NMBR: variants seen among roughly 807,000 people sequenced by gnomAD.
NMBR encodes the protein neuromedin B receptor, also known as neuromedin-B receptor.
A neutral mutation model predicts 20.5 loss-of-function variants in NMBR; 16 were observed. The ratio of observed to expected loss-of-function variants is 0.78; its 90% CI spans 0.53 to 1.19. The LOEUF is 1.19. Ranked by LOEUF, NMBR falls within the 50% of genes most tolerant of loss-of-function variation. The pLI, the probability that NMBR is intolerant of heterozygous loss-of-function variation, is 0.00. For synonymous variants in NMBR, 212 were observed against 196.6 expected (o/e 1.08, Z -0.65); for missense variants, 582 against 499.1 (o/e 1.17, Z -1.58).
At chr6:142,109,920 A>T (rs1777730802) in intron 1 of NMBR, among the ~76,000 whole-genome samples, 1 of 152,104 alleles carries the variant, frequency 6.6e-6, no homozygotes, top group Non-Finnish European at 1.5e-5. Flanking sequence ...TTCACCAGAC[A>T]CCACGAGTCT....
At chr6:142,115,427 A>T (rs1156366827) in intron 1 of NMBR, among the ~76,000 whole-genome samples, 1 of 152,196 alleles carries the variant, frequency 6.6e-6, no homozygotes, top group African/African-American at 2.4e-5. Flanking sequence ...GGGAGATCGG[A>T]CTAGAAAGGC....
At chr6:142,117,052 A>T (rs1777868208) in intron 1 of NMBR, among the ~76,000 whole-genome samples, 1 of 152,140 alleles carries the variant, frequency 6.6e-6, no homozygotes, top group East Asian at 1.9e-4. Flanking sequence ...TCCCAATAAC[A>T]TAAATAATAG....
At chr6:142,095,020 T>C (rs544024081) in intron 1 of NMBR, among the ~76,000 whole-genome samples, 158 of 152,314 alleles carry the variant, frequency 1.0e-3, no homozygotes, top group African/African-American at 3.8e-3. Context: ...GAGAATTTGC[T>C]GGAGTTGCCT....
chr6:142,131,572 A>C (rs1478809246), intron 1 of NMBR, among the ~76,000 whole-genome samples: 2 of 152,190 alleles, frequency 1.3e-5, no homozygotes, highest in Admixed American at 6.5e-5. Context: ...ATTTGAGATC[A>C]GTCTCACTAA....
At chr6:142,090,774 A>G (rs1005218967) in intron 1 of NMBR, among the ~76,000 whole-genome samples, 1 of 151,736 alleles carries the variant, frequency 6.6e-6, no homozygotes, top group Non-Finnish European at 1.5e-5. Flanking sequence ...CAATCTTCTA[A>G]TTATGAAGTG....
At position 142,074,644 on chromosome 6, in the gene NMBR, C is replaced by T. The variant is rs1776892758; in HGVS notation, c.*1004G>A. Among the ~76,000 whole-genome samples the T allele has an allele frequency of 6.6e-6, 1 of 152,040 alleles. No homozygotes were observed. Among genetic ancestry groups the T allele is most frequent in the African/African-American group, 2.4e-5 (1 of 41,402 alleles). ...GAAAAAAATTGCCTAAGTGTGATCCCACATACTTGTCAGTTGGGTATTGCA... is the reference window on the plus strand; with the variant it reads ...GAAAAAAATTGCCTAAGTGTGATCCTACATACTTGTCAGTTGGGTATTGCA... On this transcript the variant is annotated 3_prime_UTR_variant, in exon 4 of 4. Transcript: ENST00000258042.
chr6:142,139,870 A>T (rs1778336147), intron 1 of NMBR, among the ~76,000 whole-genome samples: 1 of 152,222 alleles, frequency 6.6e-6, no homozygotes, highest in South Asian at 2.1e-4. Context: ...AAATGCAAAT[A>T]TAGTAAAAAT....
chr6:142,096,991 C>T (rs1777466646), intron 1 of NMBR, among the ~76,000 whole-genome samples: 1 of 152,004 alleles, frequency 6.6e-6, no homozygotes, highest in Non-Finnish European at 1.5e-5. Flanking sequence ...ACTAGGATTG[C>T]AACCCCTGCC....
At chr6:142,087,316 T>C (rs1227093404) in intron 2 of NMBR, among the ~76,000 whole-genome samples, 1 of 152,214 alleles carries the variant, frequency 6.6e-6, no homozygotes, top group African/African-American at 2.4e-5. Flanking sequence ...TTTATCTAAA[T>C]AGCTTAAGTC....
chr6:142,078,306 A>C (rs1238789843), intron 3 of NMBR, among the ~76,000 whole-genome samples: 1 of 152,228 alleles, frequency 6.6e-6, no homozygotes, highest in African/African-American at 2.4e-5. Context: ...TCAATACATT[A>C]ATTTCTAATG....
intron 1 of NMBR, among the ~76,000 whole-genome samples, chr6:142,118,166 C>T (rs1160664077): frequency 6.6e-6 from 1 of 151,944 alleles, no homozygotes; most frequent in Non-Finnish European, 1.5e-5. Context: ...TGATCCAGTT[C>T]TGGTGCCATA....
chr6:142,095,614 C>G (rs1001645700), intron 1 of NMBR, among the ~76,000 whole-genome samples: 1 of 151,998 alleles, frequency 6.6e-6, no homozygotes. Flanking sequence ...CTAAAATTCT[C>G]TTTTTTCTTG....
At chr6:142,094,818 T>A (rs1266425773) in intron 1 of NMBR, among the ~76,000 whole-genome samples, 2 of 152,164 alleles carry the variant, frequency 1.3e-5, no homozygotes, top group African/African-American at 4.8e-5. Context: ...TGTATCCTCT[T>A]TTATTTCATT....
intron 2 of NMBR, 136 bp downstream of exon 2, chr6:142,088,101 A>T: frequency 1.3e-6 from 1 of 771,040 alleles, no homozygotes; most frequent in Non-Finnish European, 2.1e-6. Flanking sequence ...CCAGGTACAC[A>T]CTCTCTCCCT....
chr6:142,129,738 T>C (rs1269035712), intron 1 of NMBR, among the ~76,000 whole-genome samples: 1 of 152,162 alleles, frequency 6.6e-6, no homozygotes, highest in Non-Finnish European at 1.5e-5. Context: ...TGTTAATATA[T>C]AGTAGTCTGT....
intron 1 of NMBR, among the ~76,000 whole-genome samples, chr6:142,101,894 A>C (rs1667667027): frequency 1.3e-5 from 2 of 152,086 alleles, no homozygotes; most frequent in African/African-American, 4.8e-5. Context: ...GCTCTTGTCA[A>C]TCCAGTTGAA....
intron 2 of NMBR, among the ~76,000 whole-genome samples, chr6:142,083,256 G>T (rs1422389349): frequency 6.6e-6 from 1 of 152,118 alleles, no homozygotes; most frequent in African/African-American, 2.4e-5. Context: ...AACTACAATT[G>T]ATTCTGTTTC....
intron 1 of NMBR, among the ~76,000 whole-genome samples, chr6:142,104,172 C>T (rs1013806006): frequency 6.6e-6 from 1 of 152,054 alleles, no homozygotes; most frequent in Non-Finnish European, 1.5e-5. Flanking sequence ...GCCACCACAC[C>T]CAGCATAAAT....
chr6:142,084,024 A>C (rs1175402229), intron 2 of NMBR, among the ~76,000 whole-genome samples: 1 of 152,162 alleles, frequency 6.6e-6, no homozygotes, highest in African/African-American at 2.4e-5. Context: ...TGGAGCAAAA[A>C]AGAAAGCATC....
Sources: gnomAD v4.1 joint callset for allele counts (sites outside exome capture counted in the v4.1 genomes callset) on GRCh38, gnomAD v4.1.1 for gene constraint, MANE v1.5 for transcripts, NCBI Gene and HGNC (gene_info 2026-07-23, HGNC 2026-07-21) for gene names.